The following EXT1 variants were observed in gnomAD, a reference collection of about 807,000 sequenced individuals.
EXT1 encodes the protein exostosin glycosyltransferase 1, also known as exostosin-1.
Under a neutral mutation model 82.5 loss-of-function variants are expected in EXT1, and 20 were observed. The ratio of observed to expected loss-of-function variants is 0.24; its 90% confidence interval spans 0.17 to 0.35. The LOEUF is 0.35. Ranked by LOEUF, EXT1 falls within the 10% of genes least tolerant of loss-of-function variation. EXT1 has a pLI of 1.00. For synonymous variants in EXT1, 348 were observed against 350.8 expected, an observed-to-expected ratio of 0.99 and a Z score of 0.09; for missense variants, 757 against 936.5, an observed-to-expected ratio of 0.81 and a Z score of 2.50.
intron 1 of EXT1, among the ~76,000 whole-genome samples, chr8:118,073,646 A>AGAGAG (rs1387253868): frequency 2.1e-5 from 2 of 97,348 alleles, no homozygotes; most frequent in Non-Finnish European, 4.4e-5. Flanking sequence ...AGAGAAGAGA[A>AGAGAG]GAGAAGAGAA....
chr8:117,986,191 T>TCTTTTCTTTTC (rs79744768), intron 1 of EXT1, among the ~76,000 whole-genome samples: 6 of 147,870 alleles, frequency 4.1e-5, no homozygotes, highest in South Asian at 2.1e-4. Context: ...TCTTTTCTTT[T>TCTTTTCTTTTC]TTTTTTTTTT....
chr8:117,861,809 C>T (rs764195200), intron 1 of EXT1, among the ~76,000 whole-genome samples: 1 of 144,456 alleles, frequency 6.9e-6, no homozygotes, highest in Non-Finnish European at 1.6e-5. Context: ...AAGTTTTTGT[C>T]TTAAAAACCC....
chr8:118,010,311 G>A (rs1447570473), intron 1 of EXT1, among the ~76,000 whole-genome samples: 2 of 149,030 alleles, frequency 1.3e-5, no homozygotes, highest in Admixed American at 6.7e-5. Context: ...GACGGAGCTT[G>A]CAGTGAGCTG....
At chr8:117,956,326 A>T (rs1219595919) in intron 1 of EXT1, among the ~76,000 whole-genome samples, 1 of 152,198 alleles carries the variant, frequency 6.6e-6, no homozygotes, top group Non-Finnish European at 1.5e-5. Flanking sequence ...AAGGATGTGA[A>T]ACTTGAATTT....
At chr8:117,809,679 G>A (rs1471159359) in intron 8 of EXT1, among the ~76,000 whole-genome samples, 1 of 151,928 alleles carries the variant, frequency 6.6e-6, no homozygotes, top group Non-Finnish European at 1.5e-5. Context: ...CCCGGGTGGT[G>A]GAACCGACAT....
chr8:117,935,559 C>T (rs1374495454), intron 1 of EXT1, among the ~76,000 whole-genome samples: 3 of 151,912 alleles, frequency 2.0e-5, no homozygotes, highest in Non-Finnish European at 2.9e-5. Context: ...CAGGATCTCC[C>T]TATGTTGCCC....
intron 1 of EXT1, among the ~76,000 whole-genome samples, chr8:117,967,327 C>T (rs1466945870): frequency 6.6e-6 from 1 of 152,236 alleles, no homozygotes; most frequent in Admixed American, 6.5e-5. Context: ...TCACAAACTC[C>T]ATACTTCTGT....
Position 117,921,278 on chromosome 8 carries a change from A to T in EXT1, c.963-84077T>A, listed in dbSNP as rs557100586. On this transcript the variant is annotated intron_variant, in intron 1 of 10. Coordinates refer to ENST00000378204, the MANE Select transcript of EXT1 (RefSeq NM_000127.3). ...TAACAGGTGCTCCTTTTATCTGGGG[A>T]TCCTCAAGCACCTTACAGATACTAC... 3.3e-5 allele frequency among the ~76,000 whole-genome samples: 5 copies of T among 152,258 alleles called. No individual in the cohort carries two copies. In the East Asian group the frequency reaches 9.7e-4, roughly 29 times the overall value.
intron 2 of EXT1, 99 bp downstream of exon 2, chr8:117,837,009 C>A (rs1241139442): frequency 1.2e-6 from 1 of 851,772 alleles, no homozygotes; most frequent in African/African-American, 1.7e-5. Context: ...GGAAACCACA[C>A]CTTCTCTTTA....
intron 1 of EXT1, among the ~76,000 whole-genome samples, chr8:117,916,844 T>G (rs1254098669): frequency 6.6e-6 from 1 of 151,970 alleles, no homozygotes; most frequent in Admixed American, 6.6e-5. Flanking sequence ...AAGGCAGAGG[T>G]TGCCTTAAGC....
intron 8 of EXT1, among the ~76,000 whole-genome samples, 178 bp from the exon 9 acceptor site, chr8:117,807,555 C>T (rs1046589714): frequency 2.6e-5 from 4 of 152,118 alleles, no homozygotes; most frequent in Non-Finnish European, 4.4e-5. Context: ...TAATTATGCA[C>T]ATTTTAATGT....
At chr8:117,964,101 C>T (rs1334867278) in intron 1 of EXT1, among the ~76,000 whole-genome samples, 2 of 152,250 alleles carry the variant, frequency 1.3e-5, no homozygotes, top group East Asian at 1.9e-4. Context: ...AATTACAGTG[C>T]TTTGTATCAT....
At chr8:118,006,552 C>A (rs942175824) in intron 1 of EXT1, among the ~76,000 whole-genome samples, 2 of 152,072 alleles carry the variant, frequency 1.3e-5, no homozygotes, top group Non-Finnish European at 2.9e-5. Flanking sequence ...AAAATCGTAA[C>A]AATAATGGGG....
intron 1 of EXT1, among the ~76,000 whole-genome samples, chr8:117,861,387 A>C (rs1055613521): frequency 2.0e-5 from 3 of 152,056 alleles, no homozygotes; most frequent in African/African-American, 7.3e-5. Flanking sequence ...TATCTTCTCC[A>C]ATTTACTTAT....
chr8:117,891,729 T>C (rs1238440635), intron 1 of EXT1, among the ~76,000 whole-genome samples: 1 of 152,064 alleles, frequency 6.6e-6, no homozygotes, highest in Non-Finnish European at 1.5e-5. Context: ...AGAAGAGCTT[T>C]ACCCACTCTA....
chr8:118,110,371 A>G lies in EXT1; in HGVS notation c.676T>C (p.Phe226Leu). ...LAKASISTEN[F>L]RPNFDVSIPL... ...ATAGAAACATCAAAGTTGGGTCGGA[A>G]GTTTTCAGTACTGATGCTGGCTTTG... The change falls in exon 1 of 11, where the codon TTC becomes CTC. Residue 226 changes from phenylalanine (F) to leucine (L), a missense_variant. Physicochemically the swap from Phe to Leu is conservative, Grantham distance 22 (BLOSUM62 0). Around this residue, in one of 4 missense-constraint regions of EXT1, gnomAD observed 247 missense variants for 330.1 expected, o/e 0.75. Coordinates refer to ENST00000378204, the MANE Select transcript of EXT1 (RefSeq NM_000127.3). 1 of 1,614,152 alleles carries G rather than the reference A, an allele frequency of 6.2e-7. No individual in the cohort carries two copies. The highest frequency in any genetic ancestry group is 8.5e-7 in the Non-Finnish European group (1 of 1,180,014).
intron 1 of EXT1, among the ~76,000 whole-genome samples, chr8:118,053,230 G>T (rs575686974): frequency 1.3e-5 from 2 of 152,280 alleles, no homozygotes; most frequent in Admixed American, 1.3e-4. Flanking sequence ...CATTGAAATG[G>T]AGGTCGGTTC....
At chr8:117,816,189 T>C (rs1051796990) in intron 7 of EXT1, among the ~76,000 whole-genome samples, 12 of 152,144 alleles carry the variant, frequency 7.9e-5, no homozygotes, top group Non-Finnish European at 1.5e-4. Flanking sequence ...TATGACTCTT[T>C]CCATTTATTG....
chr8:117,819,312 T>C (rs1193640467), intron 6 of EXT1, among the ~76,000 whole-genome samples: 1 of 152,242 alleles, frequency 6.6e-6, no homozygotes, highest in Non-Finnish European at 1.5e-5. Context: ...TGAAGCTTAG[T>C]TGTCTGGGTC....
Sources: allele counts gnomAD v4.1 joint callset (sites outside exome capture counted in the v4.1 genomes callset), GRCh38; gene constraint gnomAD v4.1.1; regional missense constraint gnomAD v4.1.1; transcripts MANE v1.5; gene names NCBI Gene and HGNC (gene_info 2026-07-23, HGNC 2026-07-21).